MAP2K5: variants seen among roughly 807,000 people sequenced by gnomAD.
The protein encoded by MAP2K5 is mitogen-activated protein kinase kinase 5.
MAP2K5 carries 49 observed loss-of-function variants against 83.1 expected under a neutral mutation model. The ratio of observed to expected loss-of-function variants is 0.59; its 90% CI spans 0.47 to 0.75. MAP2K5 has a LOEUF of 0.75. Among genes scored for constraint, MAP2K5 ranks in the 30% least tolerant of loss-of-function variants. The probability of loss-of-function intolerance (pLI) is 0.00; values close to 1 mark genes in which losing one functional copy is unlikely to be tolerated. For synonymous variants in MAP2K5, 202 were observed against 191.8 expected, an observed-to-expected ratio of 1.05 and a Z score of -0.44; for missense variants, 457 against 557.5, an observed-to-expected ratio of 0.82 and a Z score of 1.82.
At position 67,618,017 on chromosome 15, in the gene MAP2K5, A is replaced by G. The variant is rs920375990; in HGVS notation, c.546-12871A>G. 7.9e-5 allele frequency among the ~76,000 whole-genome samples: 12 copies of G among 152,156 alleles called. No individual in the cohort carries two copies. The South Asian group carries it at 1.7e-3, about 21-fold the overall frequency. Reference sequence around the variant, plus strand: ...CCTATTTTCCTTACCTTTAAAGATTATTCTAGAAATTCAGTTTATTCTTTG... The same window carrying G: ...CCTATTTTCCTTACCTTTAAAGATTGTTCTAGAAATTCAGTTTATTCTTTG... On this transcript the variant is annotated intron_variant, in intron 8 of 21. Coordinates refer to ENST00000178640, the MANE Select transcript of MAP2K5 (RefSeq NM_145160.3).
intron 2 of MAP2K5, among the ~76,000 whole-genome samples, chr15:67,558,699 C>G (rs1051875228): frequency 1.3e-5 from 2 of 152,214 alleles, no homozygotes; most frequent in Non-Finnish European, 2.9e-5. Flanking sequence ...GGCTTCCTTT[C>G]GGTCTGTCAA....
intron 19 of MAP2K5, among the ~76,000 whole-genome samples, chr15:67,761,681 T>C (rs1219984968): frequency 6.6e-6 from 1 of 152,244 alleles, no homozygotes; most frequent in East Asian, 1.9e-4. Flanking sequence ...GCCAGGTTCC[T>C]GTACTTCAAC....
At chr15:67,797,916 C>T (rs749407245) in intron 21 of MAP2K5, among the ~76,000 whole-genome samples, 10 of 152,200 alleles carry the variant, frequency 6.6e-5, no homozygotes, top group Non-Finnish European at 1.2e-4. Context: ...CTCCTGAGCT[C>T]AGGTGATCCA....
At position 67,542,771 on chromosome 15, in the gene MAP2K5, CTCGGG is replaced by C. The variant is rs2084318626; in HGVS notation, c.-563_-559del. On this transcript the variant is annotated 5_prime_UTR_variant, in exon 1 of 22. Coordinates refer to ENST00000178640, the MANE Select transcript of MAP2K5 (RefSeq NM_145160.3). ...CGCAGCCGCCGCCAGTCCGCGCGGC[CTCGGG>C]TGGCCGGAGCTCAGCCTGCGCGCGC... 1 of 156,002 alleles carries C rather than the reference CTCGGG, an allele frequency of 6.4e-6. No individual in the cohort carries two copies. Among genetic ancestry groups the C allele is most frequent in the Non-Finnish European group, 1.4e-5 (1 of 70,996 alleles). 9.7% of individuals were successfully genotyped at this position (156,002 alleles called of 1,614,324 possible).
rs2090119626 is a variant in MAP2K5 at position 67,770,405 on chromosome 15, A to T, written c.1196+742A>T. 6.6e-6 allele frequency among the ~76,000 whole-genome samples: 1 copy of T among 152,150 alleles called. No individual in the cohort carries two copies. Among genetic ancestry groups the T allele is most frequent in the Non-Finnish European group, 1.5e-5 (1 of 68,024 alleles). ...CCTGCAGGACTCATGTGGCCTTGGGAGGCCCAGGTATTCCTCTGCCCTCTC... is the reference window on the plus strand; with the variant it reads ...CCTGCAGGACTCATGTGGCCTTGGGTGGCCCAGGTATTCCTCTGCCCTCTC... On this transcript the variant is annotated intron_variant, in intron 20 of 21. Coordinates refer to ENST00000178640, the MANE Select transcript of MAP2K5 (RefSeq NM_145160.3). The surrounding 1 kb of genome is among the most constrained non-coding windows in gnomAD (Gnocchi z 5.0).
Position 67,587,892 on chromosome 15 carries a change from G to A in MAP2K5, c.431+979G>A, listed in dbSNP as rs1369967017. Among the ~76,000 whole-genome samples the A allele has an allele frequency of 6.6e-6, 1 of 152,128 alleles. No homozygotes were observed. The highest frequency in any genetic ancestry group is 1.5e-5 in the Non-Finnish European group (1 of 68,032). ...CACACTTGTGGGTTCTACCTTCTGAGTAGCTCTGCGTCTTTCTACTCGCCA... is the reference window on the plus strand; with the variant it reads ...CACACTTGTGGGTTCTACCTTCTGAATAGCTCTGCGTCTTTCTACTCGCCA... On this transcript the variant is annotated intron_variant, in intron 6 of 21. Coordinates refer to ENST00000178640, the MANE Select transcript of MAP2K5 (RefSeq NM_145160.3). The surrounding 1 kb of genome is among the most constrained non-coding windows in gnomAD (Gnocchi z 4.8).
rs2089639981 is a variant in MAP2K5, at chr15:67,747,982, G to A, written c.1075-249G>A. Reference sequence around the variant, plus strand: ...AAACAGCCTTTTGAAATGGATTATGGTTTTTCTCCCTATTCTAATACAACC... The same window carrying A: ...AAACAGCCTTTTGAAATGGATTATGATTTTTCTCCCTATTCTAATACAACC... On this transcript the variant is annotated intron_variant, in intron 17 of 21. Transcript: ENST00000178640. This position sits in a 1 kb window ranked among gnomAD's most constrained non-coding sequence, Gnocchi z 4.1. Among the ~76,000 whole-genome samples the A allele has an allele frequency of 6.6e-6, 1 of 152,140 alleles. No homozygotes were observed. The highest frequency in any genetic ancestry group is 2.4e-5 in the African/African-American group (1 of 41,422).
chr15:67,590,468 T>A (rs11638969), intron 6 of MAP2K5, among the ~76,000 whole-genome samples: 1,501 of 27,152 alleles, frequency 0.055, 74 homozygotes, highest in Middle Eastern at 0.18. Context: ...TCTCTCTCTC[T>A]CTCTCTCTTT....
Position 67,676,966 on chromosome 15 carries a change from T to A in MAP2K5, c.847+12321T>A, listed in dbSNP as rs1223904455. On this transcript the variant is annotated intron_variant, in intron 13 of 21. Coordinates refer to ENST00000178640, the MANE Select transcript of MAP2K5 (RefSeq NM_145160.3). The surrounding 1 kb of genome is among the most constrained non-coding windows in gnomAD (Gnocchi z 4.8). ...TGAGGTCATAGCATTGTACCTGGCA[T>A]ATAACAGCTATTATTATGTCAAATA... Among the ~76,000 whole-genome samples, 5 of 152,210 alleles carry A rather than the reference T, an allele frequency of 3.3e-5. No homozygotes were observed. Among genetic ancestry groups the A allele is most frequent in the Non-Finnish European group, 7.4e-5 (5 of 68,026 alleles).
chr15:67,674,009 C>T (rs549898443), intron 13 of MAP2K5, among the ~76,000 whole-genome samples: 34 of 152,112 alleles, frequency 2.2e-4, no homozygotes, highest in African/African-American at 5.3e-4. Flanking sequence ...CCTCCATGCC[C>T]GGCTAATTTT....
In MAP2K5 at chr15:67,783,160, C is replaced by T. The variant is rs1410247062; in HGVS notation, c.1242+10408C>T. On this transcript the variant is annotated intron_variant, in intron 21 of 21. Coordinates refer to ENST00000178640, the MANE Select transcript of MAP2K5 (RefSeq NM_145160.3). This position sits in a 1 kb window ranked among gnomAD's most constrained non-coding sequence, Gnocchi z 5.1. ...TTATGTCTTAGCATCTGCTCTGTGC[C>T]CAGCATCCTGCCTGACACCGAGGAG... Among the ~76,000 whole-genome samples, 1 of 152,208 alleles carries T rather than the reference C, an allele frequency of 6.6e-6. No homozygotes were observed. The highest frequency in any genetic ancestry group is 1.5e-5 in the Non-Finnish European group (1 of 68,040).
chr15:67,588,661 C>A (rs974572989), intron 6 of MAP2K5, among the ~76,000 whole-genome samples: 10 of 152,150 alleles, frequency 6.6e-5, no homozygotes, highest in African/African-American at 2.2e-4. Flanking sequence ...TTACATCTTA[C>A]CTCTGGACTA....
chr15:67,581,163 G>C (rs2085172941), intron 4 of MAP2K5, among the ~76,000 whole-genome samples: 1 of 152,146 alleles, frequency 6.6e-6, no homozygotes, highest in South Asian at 2.1e-4. Context: ...GGCTCATGAT[G>C]GTGGCCAAAG....
chr15:67,592,530 A>G (rs755317267), intron 6 of MAP2K5, among the ~76,000 whole-genome samples: 8 of 152,222 alleles, frequency 5.3e-5, no homozygotes, highest in South Asian at 2.1e-4. Context: ...TAAATTATCT[A>G]TTTTGTCTTT....
intron 9 of MAP2K5, among the ~76,000 whole-genome samples, chr15:67,645,063 G>A (rs948374658): frequency 6.6e-6 from 1 of 152,022 alleles, no homozygotes; most frequent in Admixed American, 6.6e-5. Flanking sequence ...CACGAGAATC[G>A]CTTGAGCCCA....
At chr15:67,682,052 A>G in intron 13 of MAP2K5, among the ~76,000 whole-genome samples, 1 of 152,206 alleles carries the variant, frequency 6.6e-6, no homozygotes, top group East Asian at 1.9e-4. Context: ...TATGCCTTCA[A>G]TTGCTGTTTG....
chr15:67,644,430 G>C lies in MAP2K5; in HGVS notation c.586-1801G>C, dbSNP rs556571383. 1.3e-5 allele frequency among the ~76,000 whole-genome samples: 2 copies of C among 151,952 alleles called. No individual in the cohort carries two copies. Among genetic ancestry groups the C allele is most frequent in the South Asian group, 4.2e-4 (2 of 4,794 alleles). On this transcript the variant is annotated intron_variant, in intron 9 of 21. Transcript: ENST00000178640. This position sits in a 1 kb window ranked among gnomAD's most constrained non-coding sequence, Gnocchi z 4.6. ...ATAAATAAATAAAACAATTACTCTT[G>C]AATTAGTTTCACTGACATGCTTAGT...
rs1346015259 is a variant in MAP2K5 at position 67,775,979 on chromosome 15, C to G, written c.1242+3227C>G. 6.6e-6 allele frequency among the ~76,000 whole-genome samples: 1 copy of G among 152,160 alleles called. No individual in the cohort carries two copies. The highest frequency in any genetic ancestry group is 3.2e-3 in the Middle Eastern group (1 of 316). On this transcript the variant is annotated intron_variant, in intron 21 of 21. Transcript: ENST00000178640. This position sits in a 1 kb window ranked among gnomAD's most constrained non-coding sequence, Gnocchi z 5.3. Reference sequence around the variant, plus strand: ...TTCTATACAAGGAACCCTGGGAACACCACACTTATCCACATGGATCTTTTT... The same window carrying G: ...TTCTATACAAGGAACCCTGGGAACAGCACACTTATCCACATGGATCTTTTT...
chr15:67,570,540 T>G (rs72749325), intron 3 of MAP2K5, among the ~76,000 whole-genome samples: 30 of 152,358 alleles, frequency 2.0e-4, no homozygotes, highest in Admixed American at 5.2e-4. Context: ...CAAAATAGAT[T>G]GGCTTCATAT....
Sources: gnomAD v4.1 joint callset for allele counts (sites outside exome capture counted in the v4.1 genomes callset) on GRCh38, gnomAD v4.1.1 for gene constraint, Gnocchi (gnomAD v3.1) non-coding constraint, MANE v1.5 for transcripts, NCBI Gene and HGNC (gene_info 2026-07-23, HGNC 2026-07-21) for gene names.